Variants in ARMC3 observed in about 807,000 individuals in gnomAD.
ARMC3 encodes armadillo repeat-containing protein 3.
In ARMC3, 74 loss-of-function variants were observed where a neutral mutation model predicts 90.3. The observed-to-expected ratio is 0.82, with a 90% CI of 0.68 to 0.99. The LOEUF (loss-of-function observed/expected upper bound fraction) is 0.99, where lower values mean the gene tolerates loss of function less well. Among genes scored for constraint, ARMC3 ranks in the 50% least tolerant of loss-of-function variants. The probability of loss-of-function intolerance (pLI) is 0.00; values close to 1 mark genes in which losing one functional copy is unlikely to be tolerated. For missense variants in ARMC3, 958 were observed against 1,042.8 expected, an observed-to-expected ratio of 0.92 and a Z score of 1.12; for synonymous variants, 334 against 361.8, an observed-to-expected ratio of 0.92 and a Z score of 0.87.
chr10:23,017,628 G>T (rs1838336392), intron 16 of ARMC3, among the ~76,000 whole-genome samples: 1 of 152,244 alleles, frequency 6.6e-6, no homozygotes, highest in South Asian at 2.1e-4. Flanking sequence ...AGCTGGGTAT[G>T]GTGGGGAATG....
At chr10:22,958,080 C>A (rs1202651339) in intron 4 of ARMC3, among the ~76,000 whole-genome samples, 7 of 151,980 alleles carry the variant, frequency 4.6e-5, no homozygotes, top group African/African-American at 1.7e-4. Flanking sequence ...AACACACACA[C>A]AAACCTTTGT....
At chr10:22,942,749 G>C (rs1195645085) in intron 2 of ARMC3, among the ~76,000 whole-genome samples, 1 of 152,078 alleles carries the variant, frequency 6.6e-6, no homozygotes, top group Non-Finnish European at 1.5e-5. Context: ...AAATACCCAA[G>C]AGAAATGTAT....
intron 6 of ARMC3, chr10:22,961,090 A>G (rs1835171856): frequency 6.6e-6 from 1 of 152,238 alleles, no homozygotes; most frequent in Non-Finnish European, 1.5e-5. Context: ...GGGGAACACA[A>G]TTCAACCCAT....
chr10:23,011,431 G>A (rs577049512), intron 16 of ARMC3, among the ~76,000 whole-genome samples: 6 of 152,236 alleles, frequency 3.9e-5, no homozygotes, highest in South Asian at 2.1e-4. Flanking sequence ...TGCTTAGCGC[G>A]GTGCCTGGCA....
intron 13 of ARMC3, 113 bp from the exon 14 acceptor site, chr10:23,006,771 T>C (rs778886950): frequency 1.2e-6 from 1 of 815,728 alleles, no homozygotes. Context: ...TGTGTGTGTT[T>C]GTGTGTGTGA....
At chr10:23,033,741 A>T (rs921721482) in intron 18 of ARMC3, among the ~76,000 whole-genome samples, 5 of 152,200 alleles carry the variant, frequency 3.3e-5, no homozygotes, top group African/African-American at 1.2e-4. Context: ...CAGGGGCAAG[A>T]CTAGAGACAG....
intron 8 of ARMC3, among the ~76,000 whole-genome samples, chr10:22,972,070 T>G (rs1835705951): frequency 6.6e-6 from 1 of 152,230 alleles, no homozygotes; most frequent in African/African-American, 2.4e-5. Context: ...ACAGAAGTTC[T>G]TTATATATTC....
In ARMC3 at chr10:23,000,734, G is replaced by A. The variant is rs1837242579; in HGVS notation, c.1426-1185G>A. Among the ~76,000 whole-genome samples, 4 of 152,210 alleles carry A rather than the reference G, an allele frequency of 2.6e-5. No individual in the cohort carries two copies. The South Asian group carries it at 8.3e-4, about 31-fold the overall frequency. Reference sequence around the variant, plus strand: ...GCTGTCCAAGTAATGTGTGATAACAGGTAAGCCCCACCAGGGCCCCTGTGT... The same window carrying A: ...GCTGTCCAAGTAATGTGTGATAACAAGTAAGCCCCACCAGGGCCCCTGTGT... On this transcript the variant is annotated intron_variant, in intron 11 of 18. Coordinates refer to ENST00000298032, the MANE Select transcript of ARMC3 (RefSeq NM_173081.5).
intron 10 of ARMC3, among the ~76,000 whole-genome samples, chr10:22,994,415 AG>A (rs1202356906): frequency 6.6e-6 from 1 of 152,172 alleles, no homozygotes; most frequent in Non-Finnish European, 1.5e-5. Flanking sequence ...ATTTGGGGGT[AG>A]GCCAGGCATG....
At chr10:22,980,394 T>A (rs1836135237) in intron 8 of ARMC3, among the ~76,000 whole-genome samples, 1 of 152,130 alleles carries the variant, frequency 6.6e-6, no homozygotes, top group African/African-American at 2.4e-5. Flanking sequence ...TTGTAGGTTG[T>A]TTCATTTTAT....
intron 8 of ARMC3, 51 bp from the exon 9 acceptor site, chr10:22,981,289 C>T (rs1046129418): frequency 4.8e-5 from 72 of 1,486,274 alleles, no homozygotes; most frequent in Non-Finnish European, 6.0e-5. Context: ...AGTAATACTT[C>T]GCAGTTTTTG....
chr10:22,972,362 T>C (rs1317867384), intron 8 of ARMC3, among the ~76,000 whole-genome samples: 2 of 152,166 alleles, frequency 1.3e-5, no homozygotes, highest in Non-Finnish European at 2.9e-5. Flanking sequence ...TTATATAGGG[T>C]ATAAAATTAT....
At chr10:22,940,580 T>C (rs1473171433) in intron 2 of ARMC3, among the ~76,000 whole-genome samples, 3 of 152,012 alleles carry the variant, frequency 2.0e-5, no homozygotes, top group South Asian at 2.1e-4. Context: ...TTGAACTCCC[T>C]GGTCAAGCGA....
chr10:22,984,514 G>A (rs1371673157), intron 10 of ARMC3, among the ~76,000 whole-genome samples: 1 of 151,936 alleles, frequency 6.6e-6, no homozygotes, highest in African/African-American at 2.4e-5. Flanking sequence ...TAATCTTTAT[G>A]TAAATTAATT....
At chr10:22,962,389 G>A (rs1474803082) in intron 7 of ARMC3, among the ~76,000 whole-genome samples, 7 of 152,166 alleles carry the variant, frequency 4.6e-5, no homozygotes, top group Non-Finnish European at 1.0e-4. Flanking sequence ...AAGCAGAAGC[G>A]TAATTTACCT....
Position 22,988,277 on chromosome 10 carries a change from C to A in ARMC3, c.1175+6577C>A, listed in dbSNP as rs146291144. Among the ~76,000 whole-genome samples, 732 of 152,306 alleles carry A rather than the reference C, an allele frequency of 4.8e-3. 2 individuals carry two copies. Among genetic ancestry groups the A allele is most frequent in the Non-Finnish European group, 8.6e-3 (584 of 68,032 alleles). ...AGAACGTATGCCACATACAGAACTTCACACAGTGTTTCAAGAAAAGTCAAT... is the reference window on the plus strand; with the variant it reads ...AGAACGTATGCCACATACAGAACTTAACACAGTGTTTCAAGAAAAGTCAAT... On this transcript the variant is annotated intron_variant, in intron 10 of 18. Transcript: ENST00000298032.
intron 16 of ARMC3, among the ~76,000 whole-genome samples, chr10:23,012,277 TCA>T (rs1838050632): frequency 6.6e-6 from 1 of 152,218 alleles, no homozygotes; most frequent in Admixed American, 6.5e-5. Context: ...TGTGAAACAC[TCA>T]CATCTTGATC....
At position 23,007,075 on chromosome 10, in the gene ARMC3, A is replaced by G; in HGVS notation, c.1829+94A>G. ...CGTGTGAATATGCAAAGATTCCCAG[A>G]CCCTTTTCTCCTGTATCTAGCACCT... On this transcript the variant is annotated intron_variant, in intron 14 of 18. Coordinates refer to ENST00000298032, the MANE Select transcript of ARMC3 (RefSeq NM_173081.5). The G allele has an allele frequency of 1.1e-5, 11 of 1,040,038 alleles. No homozygotes were observed. In the South Asian group the frequency reaches 1.7e-4, roughly 16 times the overall value. 64.4% of individuals were successfully genotyped at this position (1,040,038 alleles called of 1,614,324 possible). A position where few individuals can be genotyped will look rare whatever the true frequency, so the allele number is the denominator to read the frequency against.
chr10:23,007,313 T>C (rs943910608), intron 14 of ARMC3, among the ~76,000 whole-genome samples: 2 of 152,170 alleles, frequency 1.3e-5, no homozygotes, highest in Non-Finnish European at 2.9e-5. Context: ...TGTTTACAAT[T>C]CTCCAGGACT....
Sources: gnomAD v4.1 joint callset for allele counts (sites outside exome capture counted in the v4.1 genomes callset) on GRCh38, gnomAD v4.1.1 for gene constraint, MANE v1.5 for transcripts, NCBI Gene and HGNC (gene_info 2026-07-23, HGNC 2026-07-21) for gene names.